MPPED1: variants seen among roughly 807,000 people sequenced by gnomAD.
MPPED1 encodes metallophosphoesterase domain containing 1.
A neutral mutation model predicts 36.2 loss-of-function variants in MPPED1; 16 were observed. The ratio of observed to expected loss-of-function variants is 0.44; its 90% confidence interval spans 0.30 to 0.67. The LOEUF (loss-of-function observed/expected upper bound fraction) is 0.67. Among genes scored for constraint, MPPED1 ranks in the 30% least tolerant of loss-of-function variants. The probability of loss-of-function intolerance (pLI) is 0.10; values close to 1 mark genes in which losing one functional copy is unlikely to be tolerated. For missense variants in MPPED1, 307 were observed against 453.4 expected, an observed-to-expected ratio of 0.68 and a Z score of 2.93; for synonymous variants, 199 against 191.3, an observed-to-expected ratio of 1.04 and a Z score of -0.33.
In MPPED1 at chr22:43,502,823, C is replaced by A. The variant is rs1460580024; in HGVS notation, c.862+66C>A. ...CTCCTAATGGACCCTCCAGCAGGAC[C>A]TCCCCTTCGTTCAGCCAGAAGGGAA... is the stretch of plus-strand genomic sequence containing the variant. On this transcript the variant is annotated intron_variant, in intron 6 of 6. Transcript: ENST00000443721. The surrounding 1 kb of genome is among the most constrained non-coding windows in gnomAD (Gnocchi z 5.5). 6 of 1,350,032 alleles carry A rather than the reference C, an allele frequency of 4.4e-6. No individual in the cohort carries two copies. In the Admixed American group the frequency reaches 1.0e-4, roughly 23 times the overall value. The allele number at this position is 1,350,032 out of a possible 1,614,324, so 83.6% of individuals were successfully genotyped here. A position where few individuals can be genotyped will look rare whatever the true frequency, so the allele number is the denominator to read the frequency against.
At chr22:43,450,091 C>T (rs1313025203) in intron 3 of MPPED1, among the ~76,000 whole-genome samples, 1 of 152,184 alleles carries the variant, frequency 6.6e-6, no homozygotes, top group Non-Finnish European at 1.5e-5. Flanking sequence ...TCGGTGGGAC[C>T]AGCCCCATTC....
chr22:43,475,843 A>C (rs1931554246), intron 4 of MPPED1, among the ~76,000 whole-genome samples: 1 of 147,552 alleles, frequency 6.8e-6, no homozygotes, highest in African/African-American at 2.5e-5. Flanking sequence ...AGTGATGGTG[A>C]TAATGATGGT....
intron 3 of MPPED1, among the ~76,000 whole-genome samples, chr22:43,473,129 G>A (rs536964182): frequency 1.9e-4 from 29 of 152,342 alleles, no homozygotes; most frequent in Middle Eastern, 3.4e-3. Context: ...CTCACACAGC[G>A]GAAGAGGTAG....
intron 4 of MPPED1, among the ~76,000 whole-genome samples, chr22:43,485,153 T>C (rs28548726): frequency 0.14 from 20,779 of 151,986 alleles, 2,102 homozygotes; most frequent in African/African-American, 0.3. Context: ...CATTCACATA[T>C]GACATTCACA....
chr22:43,492,822 G>A (rs1213362799), intron 4 of MPPED1, among the ~76,000 whole-genome samples: 1 of 152,266 alleles, frequency 6.6e-6, no homozygotes, highest in East Asian at 1.9e-4. Context: ...GTGGTGGTCT[G>A]GTGTGTTCTG....
At chr22:43,488,909 G>A (rs1286935460) in intron 4 of MPPED1, among the ~76,000 whole-genome samples, 1 of 152,254 alleles carries the variant, frequency 6.6e-6, no homozygotes, top group African/African-American at 2.4e-5. Context: ...GGGTGGTGAG[G>A]TTGGGTCCAG....
intron 1 of MPPED1, chr22:43,419,217 A>G (rs926728007): frequency 1.3e-5 from 2 of 152,282 alleles, no homozygotes; most frequent in East Asian, 1.9e-4. Context: ...ATTCATTCAC[A>G]TATCATTTTA....
At chr22:43,473,224 G>A (rs1931435726) in intron 3 of MPPED1, among the ~76,000 whole-genome samples, 1 of 152,206 alleles carries the variant, frequency 6.6e-6, no homozygotes, top group Non-Finnish European at 1.5e-5. Context: ...CCGTGCTGCT[G>A]GGCATTGCCC....
intron 2 of MPPED1, among the ~76,000 whole-genome samples, chr22:43,427,359 T>C (rs60001931): frequency 0.026 from 3,892 of 151,896 alleles, 176 homozygotes; most frequent in African/African-American, 0.09. Flanking sequence ...GGAATAGGCG[T>C]AGCAAGTTGG....
At chr22:43,461,188 AC>A (rs1930946514) in intron 3 of MPPED1, among the ~76,000 whole-genome samples, 1 of 152,012 alleles carries the variant, frequency 6.6e-6, no homozygotes, top group Admixed American at 6.5e-5. Context: ...ATATAGCGAA[AC>A]CTCATCTCTA....
chr22:43,412,703 A>ATCCATCCATC, intron 1 of MPPED1, among the ~76,000 whole-genome samples: 1 of 149,838 alleles, frequency 6.7e-6, no homozygotes, highest in Non-Finnish European at 1.5e-5. Flanking sequence ...CCATCCATCC[A>ATCCATCCATC]CTCACTCAAC....
intron 3 of MPPED1, among the ~76,000 whole-genome samples, chr22:43,449,464 T>C (rs1004948560): frequency 7.8e-6 from 1 of 127,758 alleles, no homozygotes; most frequent in Non-Finnish European, 1.6e-5. Context: ...AGTGTTGTTA[T>C]TGGCTAAGTC....
intron 3 of MPPED1, among the ~76,000 whole-genome samples, chr22:43,461,021 T>A (rs1930939902): frequency 6.6e-6 from 1 of 152,152 alleles, no homozygotes; most frequent in Non-Finnish European, 1.5e-5. Flanking sequence ...AACAAATACT[T>A]TGGGGCTAGG....
chr22:43,415,827 C>T (rs552679542), intron 1 of MPPED1, among the ~76,000 whole-genome samples: 4 of 152,222 alleles, frequency 2.6e-5, no homozygotes, highest in South Asian at 2.1e-4. Flanking sequence ...TGCCCACTTT[C>T]GCATTCCCGT....
chr22:43,418,180 T>C (rs963042976), intron 1 of MPPED1: 2 of 456,112 alleles, frequency 4.4e-6, no homozygotes, highest in Non-Finnish European at 8.8e-6. Flanking sequence ...GACCTTTTCC[T>C]TCCAAACGAG....
chr22:43,466,036 G>A (rs577881001), intron 3 of MPPED1, among the ~76,000 whole-genome samples: 56 of 152,326 alleles, frequency 3.7e-4, no homozygotes, highest in Admixed American at 2.2e-3. Flanking sequence ...CTTTCGGCCT[G>A]AAGTCATATG....
intron 3 of MPPED1, among the ~76,000 whole-genome samples, chr22:43,449,125 C>T (rs542550400): frequency 2.5e-4 from 38 of 152,254 alleles, no homozygotes; most frequent in South Asian, 6.2e-4. Flanking sequence ...TTACATCCTA[C>T]GTTTCATATT....
chr22:43,467,035 C>T (rs1931197154), intron 3 of MPPED1, among the ~76,000 whole-genome samples: 2 of 152,302 alleles, frequency 1.3e-5, no homozygotes, highest in African/African-American at 4.8e-5. Flanking sequence ...ATAGGTACAG[C>T]GTGGGGCTCA....
intron 3 of MPPED1, among the ~76,000 whole-genome samples, chr22:43,449,422 A>ACCCCCCAC (rs1930480410): frequency 7.9e-6 from 1 of 127,332 alleles, no homozygotes; most frequent in Non-Finnish European, 1.6e-5. Flanking sequence ...GACAGTGCCA[A>ACCCCCCAC]CCCCCCCCGC....
Sources: allele counts gnomAD v4.1 joint callset (sites outside exome capture counted in the v4.1 genomes callset), GRCh38; gene constraint gnomAD v4.1.1; non-coding constraint Gnocchi (gnomAD v3.1); transcripts MANE v1.5; gene names NCBI Gene and HGNC (gene_info 2026-07-23, HGNC 2026-07-21).